Variants in GSDME observed in about 807,000 individuals in gnomAD.
The protein encoded by GSDME is gasdermin E.
Under a neutral mutation model 47.5 loss-of-function variants are expected in GSDME, and 44 were observed. The observed-to-expected ratio is 0.93, with a 90% CI of 0.73 to 1.19. The LOEUF is 1.19. Among genes scored for constraint, GSDME ranks in the 50% most tolerant of loss-of-function variants. GSDME has a pLI of 0.00. For synonymous variants in GSDME, 258 were observed against 252.8 expected (o/e 1.02, Z -0.20); for missense variants, 663 against 604.2 (o/e 1.10, Z -1.02).
chr7:24,723,051 C>T lies in GSDME; in HGVS notation c.405-3833G>A, dbSNP rs527753487. On this transcript the variant is annotated intron_variant, in intron 3 of 9. Transcript: ENST00000645220. The stretch of plus-strand genomic sequence containing the variant: ...CCCTGGGCAACCAAGGCAGGGCTGC[C>T]GGAAACTGCAGGCATCATCCACCTA... 6.6e-5 allele frequency among the ~76,000 whole-genome samples: 10 copies of T among 152,264 alleles called. No homozygotes were observed. In the South Asian group the frequency reaches 1.0e-3, roughly 16 times the overall value.
chr7:24,710,106 CTCATA>C, intron 6 of GSDME, 113 bp downstream of exon 6: 1 of 1,168,622 alleles, frequency 8.6e-7, no homozygotes, highest in East Asian at 2.3e-5. Flanking sequence ...CACCTCTCTT[CTCATA>C]TGTTTTCTGT....
At chr7:24,761,487 AG>A (rs764120130), upstream of GSDME, among the ~76,000 whole-genome samples, 63 of 152,358 alleles carry the variant, frequency 4.1e-4, no homozygotes, top group Admixed American at 1.8e-3. The surrounding 1 kb of genome is among the most constrained non-coding windows in gnomAD (Gnocchi z 4.4). Context: ...GTCTCTTATA[AG>A]GGCACTAATC....
the GSDME span, among the ~76,000 whole-genome samples, chr7:24,776,505 C>A: frequency 2.6e-5 from 4 of 152,212 alleles, no homozygotes; most frequent in Non-Finnish European, 5.9e-5. Context: ...CTGTACCCAG[C>A]TCCCCACTCC....
the GSDME span, among the ~76,000 whole-genome samples, chr7:24,768,106 T>G: frequency 2.6e-5 from 4 of 152,210 alleles, no homozygotes; most frequent in South Asian, 8.3e-4. The surrounding 1 kb of genome is among the most constrained non-coding windows in gnomAD (Gnocchi z 5.6). Flanking sequence ...GCACAGTCCC[T>G]CTACTTCTCT....
At position 24,744,869 on chromosome 7, in the gene GSDME, C is replaced by T; in HGVS notation, c.212-115G>A. The T allele has an allele frequency of 9.0e-7, 1 of 1,109,242 alleles. No homozygotes were observed. 68.7% of individuals were successfully genotyped at this position (1,109,242 alleles called of 1,614,324 possible). On this transcript the variant is annotated intron_variant, in intron 2 of 9. Coordinates refer to ENST00000645220, the MANE Select transcript of GSDME (RefSeq NM_001127453.2). This position sits in a 1 kb window ranked among gnomAD's most constrained non-coding sequence, Gnocchi z 4.5. ...CCCCGGAAAGCAGAAGGCTGGCACT[C>T]AGATGGAAAGCCGGCAGCCATGCTG...
At chr7:24,785,448 CTTTT>C in the GSDME span, among the ~76,000 whole-genome samples, 1 of 152,038 alleles carries the variant, frequency 6.6e-6, no homozygotes, top group African/African-American at 2.4e-5. Flanking sequence ...CCATAATTCA[CTTTT>C]TTGTTTGTTT....
At position 24,744,742 on chromosome 7, in the gene GSDME, G is replaced by C. The variant is rs370126747; in HGVS notation, c.224C>G (p.Ser75Trp). 9.9e-6 allele frequency: 16 copies of C among 1,613,970 alleles called. No homozygotes were observed. The highest frequency in any genetic ancestry group is 1.2e-5 in the Non-Finnish European group (14 of 1,180,022). Residue 75 changes from serine (S) to tryptophan (W), a missense_variant, in exon 3 of 10, where the codon TCG (serine) becomes TGG (tryptophan). By Grantham distance (177) the Ser-to-Trp change is radical. Transcript: ENST00000645220. This position sits in a 1 kb window ranked among gnomAD's most constrained non-coding sequence, Gnocchi z 4.5. Reference protein sequence around the residue: ...DQFPSPVVVESDFVKYEGKFA... With the variant: ...DQFPSPVVVEWDFVKYEGKFA... ...CTTGCCCTCGTATTTCACAAAGTCC[G>C]ACTCCACGACCACTGGAATGGAGGA...
chr7:24,699,015 C>G lies in GSDME; in HGVS notation c.*11G>C. The G allele has an allele frequency of 6.3e-7, 1 of 1,581,706 alleles. No individual in the cohort carries two copies. The highest frequency in any genetic ancestry group is 8.7e-7 in the Non-Finnish European group (1 of 1,151,276). On this transcript the variant is annotated 3_prime_UTR_variant, in exon 10 of 10. Coordinates refer to ENST00000645220, the MANE Select transcript of GSDME (RefSeq NM_001127453.2). ...TGGCCAGTAACACGTACTTCTAGTT[C>G]ACATATGACATCATGAATGTTCTCT...
Position 24,744,503 on chromosome 7 carries a change from T to C in GSDME, c.404+59A>G. Reference sequence around the variant, plus strand: ...GTCGCCCTTTTAACAAAGGTCCAACTGAATGACCTTTAAATGTGAGATGTG... The same window carrying C: ...GTCGCCCTTTTAACAAAGGTCCAACCGAATGACCTTTAAATGTGAGATGTG... On this transcript the variant is annotated intron_variant, in intron 3 of 9. Transcript: ENST00000645220. This position sits in a 1 kb window ranked among gnomAD's most constrained non-coding sequence, Gnocchi z 4.5. 6.4e-7 allele frequency: 1 copy of C among 1,568,292 alleles called. No individual in the cohort carries two copies. Among genetic ancestry groups the C allele is most frequent in the Non-Finnish European group, 8.8e-7 (1 of 1,139,448 alleles).
In GSDME at chr7:24,733,540, G is replaced by A. The variant is rs1046951609; in HGVS notation, c.404+11022C>T. ...TTCTGGACCTACCCAGGCCCACAGG[G>A]GACCCCACTGCCCTGAAGAGTGCGT... On this transcript the variant is annotated intron_variant, in intron 3 of 9. Coordinates refer to ENST00000645220, the MANE Select transcript of GSDME (RefSeq NM_001127453.2). The surrounding 1 kb of genome is among the most constrained non-coding windows in gnomAD (Gnocchi z 4.3). 6.6e-6 allele frequency among the ~76,000 whole-genome samples: 1 copy of A among 152,040 alleles called. No homozygotes were observed. Among genetic ancestry groups the A allele is most frequent in the Non-Finnish European group, 1.5e-5 (1 of 68,020 alleles).
chr7:24,781,081 C>T, the GSDME span, among the ~76,000 whole-genome samples: 14 of 152,152 alleles, frequency 9.2e-5, no homozygotes, highest in Non-Finnish European at 1.3e-4. Context: ...CCATGAAAAG[C>T]GCATCTTTCT....
intron 9 of GSDME, chr7:24,702,361 C>A: frequency 2.9e-6 from 1 of 349,688 alleles, no homozygotes; most frequent in Non-Finnish European, 5.6e-6. Context: ...TGGATACCTC[C>A]CTGGCAAATC....
In GSDME at chr7:24,744,205, T is replaced by G. The variant is rs1030537467; in HGVS notation, c.404+357A>C. On this transcript the variant is annotated intron_variant, in intron 3 of 9. Coordinates refer to ENST00000645220, the MANE Select transcript of GSDME (RefSeq NM_001127453.2). This position sits in a 1 kb window ranked among gnomAD's most constrained non-coding sequence, Gnocchi z 4.5. ...TTTCTTCTTTTTTTCATCAGAAAAT[T>G]ATAGAGCCAGAGGGGGGTCATGACT... The G allele has an allele frequency of 1.7e-5, 4 of 234,568 alleles. No homozygotes were observed. The highest frequency in any genetic ancestry group is 9.1e-5 in the African/African-American group (4 of 43,960). 14.5% of individuals were successfully genotyped at this position (234,568 alleles called of 1,614,324 possible).
chr7:24,766,183 T>TTGTGTGTGTGTGTGTGTG, the GSDME span, among the ~76,000 whole-genome samples: 4 of 144,518 alleles, frequency 2.8e-5, no homozygotes, highest in African/African-American at 7.7e-5. The surrounding 1 kb of genome is among the most constrained non-coding windows in gnomAD (Gnocchi z 4.2). Context: ...ATTACATTAT[T>TTGTGTGTGTGTGTGTGTG]TGTGTGTGTG....
the GSDME span, among the ~76,000 whole-genome samples, chr7:24,779,182 T>C: frequency 2.0e-5 from 3 of 152,230 alleles, no homozygotes; most frequent in South Asian, 2.1e-4. The surrounding 1 kb of genome is among the most constrained non-coding windows in gnomAD (Gnocchi z 6.0). Flanking sequence ...GTTAGTCAGA[T>C]GCAGAAGCTG....
chr7:24,766,528 C>T, the GSDME span, among the ~76,000 whole-genome samples: 9 of 152,040 alleles, frequency 5.9e-5, no homozygotes, highest in Non-Finnish European at 1.3e-4. This position sits in a 1 kb window ranked among gnomAD's most constrained non-coding sequence, Gnocchi z 4.2. Flanking sequence ...TGTTCAACTC[C>T]CACTTATGAG....
At chr7:24,788,968 G>T in the GSDME span, among the ~76,000 whole-genome samples, 1 of 152,130 alleles carries the variant, frequency 6.6e-6, no homozygotes, top group Non-Finnish European at 1.5e-5. This position sits in a 1 kb window ranked among gnomAD's most constrained non-coding sequence, Gnocchi z 4.6. Context: ...TTTATAGCTT[G>T]TTTTTCCTTT....
At chr7:24,722,397 A>G (rs1456234588) in intron 3 of GSDME, among the ~76,000 whole-genome samples, 1 of 152,204 alleles carries the variant, frequency 6.6e-6, no homozygotes, top group Non-Finnish European at 1.5e-5. Flanking sequence ...AAAGACTTTA[A>G]AGATAAAAGC....
intron 1 of GSDME, among the ~76,000 whole-genome samples, chr7:24,753,511 A>T (rs1790920981): frequency 6.6e-6 from 1 of 152,248 alleles, no homozygotes; most frequent in Non-Finnish European, 1.5e-5. Flanking sequence ...AAACAAATGT[A>T]TCTGAAGGGT....
Sources: gnomAD v4.1 joint callset for allele counts (sites outside exome capture counted in the v4.1 genomes callset) on GRCh38, gnomAD v4.1.1 for gene constraint, Gnocchi (gnomAD v3.1) non-coding constraint, MANE v1.5 for transcripts, NCBI Gene and HGNC (gene_info 2026-07-23, HGNC 2026-07-21) for gene names.